TMC7: variants seen among roughly 807,000 people sequenced by gnomAD.
TMC7 encodes the protein transmembrane channel like 7.
In TMC7, 54 loss-of-function variants were observed where a neutral mutation model predicts 82.9. The ratio of observed to expected loss-of-function variants is 0.65; its 90% CI spans 0.52 to 0.82. TMC7 has a LOEUF of 0.82. Ranked by LOEUF, TMC7 falls within the 40% of genes least tolerant of loss-of-function variation. TMC7 has a pLI of 0.00. For missense variants in TMC7, 820 were observed against 901.2 expected (o/e 0.91, Z 1.15); for synonymous variants, 350 against 337.9 (o/e 1.04, Z -0.39).
At chr16:18,997,031 A>G (rs144585449) in intron 1 of TMC7, among the ~76,000 whole-genome samples, 166 of 152,354 alleles carry the variant, frequency 1.1e-3, no homozygotes, top group East Asian at 7.1e-3. Flanking sequence ...GAGAGAGGCC[A>G]GAGAAGAGTG....
At chr16:19,024,272 T>G (rs1050340185) in intron 5 of TMC7, among the ~76,000 whole-genome samples, 1 of 151,954 alleles carries the variant, frequency 6.6e-6, no homozygotes, top group African/African-American at 2.4e-5. Context: ...ATAAACAGAA[T>G]TAGCTGGGCG....
At chr16:18,990,573 C>T (rs546660143) in intron 1 of TMC7, among the ~76,000 whole-genome samples, 228 of 152,268 alleles carry the variant, frequency 1.5e-3, no homozygotes, top group Middle Eastern at 3.4e-3. Flanking sequence ...GCGTGAGCAG[C>T]GTAGCTGTTT....
intron 9 of TMC7, among the ~76,000 whole-genome samples, chr16:19,044,441 G>A (rs1056387951): frequency 1.3e-5 from 2 of 151,784 alleles, no homozygotes; most frequent in Admixed American, 1.3e-4. Context: ...TGATCCTCTG[G>A]TCTCTACCTC....
intron 1 of TMC7, among the ~76,000 whole-genome samples, chr16:18,995,948 C>T (rs150855546): frequency 0.014 from 2,182 of 152,012 alleles, 24 homozygotes; most frequent in Middle Eastern, 0.054. Context: ...ATGAACTGGG[C>T]TGGGTTTTTA....
intron 1 of TMC7, among the ~76,000 whole-genome samples, chr16:18,997,710 C>G (rs557772541): frequency 6.8e-6 from 1 of 146,986 alleles, no homozygotes; most frequent in African/African-American, 2.5e-5. Flanking sequence ...CTGCAAACAA[C>G]TCCTGTGCCA....
intron 1 of TMC7, among the ~76,000 whole-genome samples, chr16:19,003,376 C>A (rs913922756): frequency 6.6e-6 from 1 of 150,568 alleles, no homozygotes; most frequent in African/African-American, 2.5e-5. Context: ...GCCCCTCTGC[C>A]CGGCCAGCCG....
chr16:19,000,085 C>T (rs139057664), intron 1 of TMC7, among the ~76,000 whole-genome samples: 67 of 152,130 alleles, frequency 4.4e-4, no homozygotes, highest in African/African-American at 1.4e-3. Flanking sequence ...GGGCAGAGTC[C>T]GGGCTTTATG....
At chr16:19,053,853 T>C (rs987339268) in intron 13 of TMC7, among the ~76,000 whole-genome samples, 33 of 151,218 alleles carry the variant, frequency 2.2e-4, no homozygotes, top group Admixed American at 1.1e-3. Flanking sequence ...TTCTTTCTTT[T>C]TTTTTTTTTT....
intron 1 of TMC7, 75 bp from the exon 2 acceptor site, chr16:19,009,097 T>C: frequency 6.5e-7 from 1 of 1,529,904 alleles, no homozygotes; most frequent in Non-Finnish European, 8.9e-7. Context: ...TCAGTGATGA[T>C]GTCCAAGATC....
intron 1 of TMC7, among the ~76,000 whole-genome samples, chr16:18,990,523 G>A (rs2038931797): frequency 6.6e-6 from 1 of 152,148 alleles, no homozygotes. Context: ...TCGAACTCCT[G>A]TCTCACGTGT....
chr16:19,045,202 T>A (rs1961213774), intron 10 of TMC7, 139 bp from the exon 11 acceptor site: 1 of 844,916 alleles, frequency 1.2e-6, no homozygotes, highest in Non-Finnish European at 2.0e-6. Flanking sequence ...GTGCTGAGGC[T>A]CAGAGTTTGC....
chr16:19,025,393 C>A (rs1960174340), intron 5 of TMC7, among the ~76,000 whole-genome samples: 4 of 152,098 alleles, frequency 2.6e-5, no homozygotes, highest in Admixed American at 6.6e-5. Context: ...CCAAGGCGGG[C>A]AGATCACCTG....
chr16:18,992,243 T>A (rs2038964714), intron 1 of TMC7, among the ~76,000 whole-genome samples: 2 of 152,220 alleles, frequency 1.3e-5, no homozygotes, highest in South Asian at 4.1e-4. Flanking sequence ...TTTCTCCACA[T>A]CCTCTCCAGC....
chr16:19,028,472 G>T (rs770898501), intron 5 of TMC7, among the ~76,000 whole-genome samples: 2 of 152,082 alleles, frequency 1.3e-5, no homozygotes, highest in Non-Finnish European at 2.9e-5. Flanking sequence ...CTCTTTTTCT[G>T]GGTGTGTTGC....
chr16:19,001,525 T>C (rs998346029), intron 1 of TMC7, among the ~76,000 whole-genome samples: 4 of 152,040 alleles, frequency 2.6e-5, no homozygotes, highest in African/African-American at 4.8e-5. Flanking sequence ...TATTAAAATA[T>C]ATGCATATTA....
chr16:18,984,668 ATG>A, intron 1 of TMC7: 1 of 267,510 alleles, frequency 3.7e-6, no homozygotes. Flanking sequence ...GAATCGTGTG[ATG>A]TGTCTAGCAC....
Position 18,986,492 on chromosome 16 carries a change from G to T in TMC7, c.67+2362G>T, listed in dbSNP as rs1403156745. ...AATCGCTTGAACCTGGGAGGCAGAG[G>T]TTACAGTGAGCCGAGGTTGCACCAC... is the stretch of plus-strand genomic sequence containing the variant. On this transcript the variant is annotated intron_variant, in intron 1 of 15. Transcript: ENST00000304381. 2.0e-5 allele frequency among the ~76,000 whole-genome samples: 3 copies of T among 152,086 alleles called. No individual in the cohort carries two copies. In the East Asian group the frequency reaches 5.8e-4, roughly 29 times the overall value.
chr16:19,040,164 G>T, intron 8 of TMC7, 125 bp from the exon 9 acceptor site: 2 of 666,100 alleles, frequency 3.0e-6, no homozygotes, highest in Non-Finnish European at 4.9e-6. Flanking sequence ...ATGCTTACAG[G>T]CCATGTTGAA....
At chr16:19,018,492 C>T (rs1261366886) in intron 3 of TMC7, among the ~76,000 whole-genome samples, 1 of 152,164 alleles carries the variant, frequency 6.6e-6, no homozygotes, top group Non-Finnish European at 1.5e-5. Flanking sequence ...TCATGGGACA[C>T]CACTCTCAAG....
Sources: gnomAD v4.1 joint callset for allele counts (sites outside exome capture counted in the v4.1 genomes callset) on GRCh38, gnomAD v4.1.1 for gene constraint, MANE v1.5 for transcripts, NCBI Gene and HGNC (gene_info 2026-07-23, HGNC 2026-07-21) for gene names.